The following PCDHGA7 variants were observed in gnomAD, a reference collection of about 807,000 sequenced individuals.
The protein encoded by PCDHGA7 is protocadherin gamma subfamily A, 7.
A neutral mutation model predicts 58.3 loss-of-function variants in PCDHGA7; 44 were observed. The ratio of observed to expected loss-of-function variants is 0.75; its 90% CI spans 0.59 to 0.97. The LOEUF (loss-of-function observed/expected upper bound fraction) is 0.97. Among genes scored for constraint, PCDHGA7 ranks in the 50% least tolerant of loss-of-function variants. The pLI, the probability that PCDHGA7 is intolerant of heterozygous loss-of-function variation, is 0.00. For missense variants in PCDHGA7, 1,266 were observed against 1,188.7 expected, an observed-to-expected ratio of 1.06 and a Z score of -0.96; for synonymous variants, 516 against 504.2, an observed-to-expected ratio of 1.02 and a Z score of -0.31.
intron 1 of PCDHGA7, chr5:141,400,717 G>A: frequency 1.5e-6 from 1 of 672,320 alleles, no homozygotes; most frequent in Non-Finnish European, 2.5e-6. Context: ...TAGCCTTATA[G>A]ATTTACAAAG....
rs1561869034 is a variant in PCDHGA7 at position 141,433,357 on chromosome 5, G to GT, written c.2424+48034_2424+48035insT. On this transcript the variant is annotated intron_variant, in intron 1 of 3. Transcript: ENST00000518325. ...TACAGGTGCAAGCCACCTACTGTCT[G>GT]CCTATCTATCTATCTATCTATCTAT... 125 of 569,056 alleles carry GT rather than the reference G, an allele frequency of 2.2e-4. No homozygotes were observed. In the African/African-American group the frequency reaches 2.4e-3, roughly 11 times the overall value. The allele number at this position is 569,056 out of a possible 1,614,324, so 35.3% of individuals were successfully genotyped here. A position where few individuals can be genotyped will look rare whatever the true frequency, so the allele number is the denominator to read the frequency against.
chr5:141,490,288 G>T lies in PCDHGA7; in HGVS notation c.2425-4519G>T, dbSNP rs2099698282. 1.2e-6 allele frequency: 2 copies of T among 1,614,080 alleles called. No homozygotes were observed. Among genetic ancestry groups the T allele is most frequent in the South Asian group, 1.1e-5 (1 of 91,092 alleles). On this transcript the variant is annotated intron_variant, in intron 1 of 3. Transcript: ENST00000518325. This position sits in a 1 kb window ranked among gnomAD's most constrained non-coding sequence, Gnocchi z 5.4. ...GGATGTCAATGACAATGCCCCAGAG[G>T]TGCTATTGGCCTCTTTGGCCAACCC...
intron 1 of PCDHGA7, among the ~76,000 whole-genome samples, chr5:141,406,071 C>T (rs2094755708): frequency 7.4e-6 from 1 of 134,244 alleles, no homozygotes; most frequent in East Asian, 2.1e-4. Context: ...AATTCTTACT[C>T]CTTTTTTTTT....
In PCDHGA7 at chr5:141,383,217, T is replaced by C. The variant is rs367646444; in HGVS notation, c.318T>C (p.Phe106=). ...CAQSARCLVN[F]NILMEDKMNL... The stretch of plus-strand genomic sequence containing the variant: ...AGAGTGCGCGGTGTCTGGTAAACTT[T>C]AACATCCTGATGGAAGATAAAATGA... The change falls in exon 1 of 4, where the codon TTT becomes TTC. Residue 106 remains phenylalanine (F), a synonymous_variant. Coordinates refer to ENST00000518325, the MANE Select transcript of PCDHGA7 (RefSeq NM_018920.4). 8.1e-6 allele frequency: 13 copies of C among 1,613,876 alleles called. 1 individual carries two copies. The Admixed American group carries it at 1.0e-4, about 12-fold the overall frequency.
intron 1 of PCDHGA7, among the ~76,000 whole-genome samples, chr5:141,436,243 TA>T (rs1428637183): frequency 6.6e-6 from 1 of 152,154 alleles, no homozygotes; most frequent in Non-Finnish European, 1.5e-5. Context: ...TAACATGGTC[TA>T]ATTATTCTGA....
At chr5:141,434,080 A>G (rs775751994) in intron 1 of PCDHGA7, among the ~76,000 whole-genome samples, 2 of 152,042 alleles carry the variant, frequency 1.3e-5, no homozygotes, top group Non-Finnish European at 2.9e-5. Flanking sequence ...TCAATTATTT[A>G]TTTTGATGCT....
intron 1 of PCDHGA7, chr5:141,393,148 A>AT: frequency 6.2e-7 from 1 of 1,613,332 alleles, no homozygotes; most frequent in Non-Finnish European, 8.5e-7. Context: ...CTGGTTGAGG[A>AT]TAAAGGAAAA....
intron 1 of PCDHGA7, among the ~76,000 whole-genome samples, chr5:141,469,716 A>G (rs1189597018): frequency 3.9e-5 from 6 of 152,260 alleles, no homozygotes; most frequent in African/African-American, 1.4e-4. Context: ...CACTATTAGG[A>G]ATTTATCATA....
intron 1 of PCDHGA7, chr5:141,408,498 G>A (rs934521153): frequency 1.7e-5 from 27 of 1,613,634 alleles, no homozygotes; most frequent in Non-Finnish European, 2.3e-5. Flanking sequence ...TGCAAAGAGA[G>A]AAGAAGATGT....
At chr5:141,444,774 AT>A (rs2098446962) in intron 1 of PCDHGA7, among the ~76,000 whole-genome samples, 1 of 152,018 alleles carries the variant, frequency 6.6e-6, no homozygotes, top group Non-Finnish European at 1.5e-5. Context: ...TATATTCTTG[AT>A]CATGTTTCAT....
At chr5:141,459,302 A>T (rs1401348885) in intron 1 of PCDHGA7, among the ~76,000 whole-genome samples, 1 of 152,210 alleles carries the variant, frequency 6.6e-6, no homozygotes, top group African/African-American at 2.4e-5. Flanking sequence ...CCTATAACAT[A>T]TACTATTTTG....
chr5:141,395,127 C>T (rs767438347), intron 1 of PCDHGA7: 2 of 1,614,200 alleles, frequency 1.2e-6, no homozygotes, highest in African/African-American at 1.3e-5. Context: ...GATCTTTCCC[C>T]AGCCCAACTA....
chr5:141,418,478 G>C (rs777772131), intron 1 of PCDHGA7: 1 of 1,613,976 alleles, frequency 6.2e-7, no homozygotes, highest in Non-Finnish European at 8.5e-7. Context: ...AACGCAGAGC[G>C]CTCACCACTT....
chr5:141,492,077 C>G (rs917149790), intron 1 of PCDHGA7: 1 of 483,342 alleles, frequency 2.1e-6, no homozygotes, highest in African/African-American at 2.0e-5. Context: ...GGCGCCGGCT[C>G]CGGCACGCTT....
intron 2 of PCDHGA7, 149 bp from the exon 3 acceptor site, chr5:141,505,244 T>C (rs886952348): frequency 7.0e-7 from 1 of 1,428,216 alleles, no homozygotes; most frequent in Non-Finnish European, 9.4e-7. Context: ...TGAAGGATTG[T>C]AGAAGTGCCT....
intron 3 of PCDHGA7, 99 bp from the exon 4 acceptor site, chr5:141,510,848 G>A: frequency 6.3e-7 from 1 of 1,596,080 alleles, no homozygotes. Flanking sequence ...TCAAGGCCCA[G>A]GGTGCTGTAT....
chr5:141,487,684 C>G lies in PCDHGA7; in HGVS notation c.2425-7123C>G. On this transcript the variant is annotated intron_variant, in intron 1 of 3. Coordinates refer to ENST00000518325, the MANE Select transcript of PCDHGA7 (RefSeq NM_018920.4). The surrounding 1 kb of genome is among the most constrained non-coding windows in gnomAD (Gnocchi z 5.0). ...ATCCAGGCATATGGCTAGGCCATGT[C>G]CTAGAGAGTACTGGCCTCTCAGTAA... is the stretch of plus-strand genomic sequence containing the variant. The G allele has an allele frequency of 6.2e-7, 1 of 1,607,562 alleles. No individual in the cohort carries two copies. Among genetic ancestry groups the G allele is most frequent in the East Asian group, 2.2e-5 (1 of 44,768 alleles).
chr5:141,403,796 T>C (rs1028690414), intron 1 of PCDHGA7: 3 of 1,613,866 alleles, frequency 1.9e-6, no homozygotes, highest in Non-Finnish European at 1.7e-6. Flanking sequence ...ATACAAATTC[T>C]GGAAAATTAA....
intron 1 of PCDHGA7, chr5:141,417,676 C>A (rs902104404): frequency 4.0e-6 from 4 of 993,448 alleles, no homozygotes; most frequent in Middle Eastern, 3.3e-4. Flanking sequence ...GCGCAGCCAA[C>A]AACAGAAAAG....
Sources: gnomAD v4.1 joint callset for allele counts (sites outside exome capture counted in the v4.1 genomes callset) on GRCh38, gnomAD v4.1.1 for gene constraint, Gnocchi (gnomAD v3.1) non-coding constraint, MANE v1.5 for transcripts, NCBI Gene and HGNC (gene_info 2026-07-23, HGNC 2026-07-21) for gene names.